Variants in ABTB3 observed in about 807,000 individuals in gnomAD.
ABTB3 encodes ankyrin repeat and BTB domain containing 3.
At chr12:107,503,769 AAAAAAG>A in the ABTB3 span, among the ~76,000 whole-genome samples, 2 of 150,480 alleles carry the variant, frequency 1.3e-5, no homozygotes, top group African/African-American at 4.9e-5. Context: ...AAAAAAAAAA[AAAAAAG>A]AAGAAGAAGA....
the ABTB3 span, among the ~76,000 whole-genome samples, chr12:107,381,224 G>T: frequency 3.6e-4 from 55 of 152,338 alleles, no homozygotes; most frequent in East Asian, 9.4e-3. Flanking sequence ...ACTTGGGTTT[G>T]CCCACTACTG....
chr12:107,353,740 A>G, the ABTB3 span, among the ~76,000 whole-genome samples: 1 of 152,132 alleles, frequency 6.6e-6, no homozygotes, highest in Non-Finnish European at 1.5e-5. Context: ...TCTGCCTCCT[A>G]TCGGATCAGC....
At chr12:107,578,351 T>C in the ABTB3 span, among the ~76,000 whole-genome samples, 1 of 151,648 alleles carries the variant, frequency 6.6e-6, no homozygotes, top group African/African-American at 2.4e-5. Context: ...GGTGTTATTT[T>C]TGAAGGCAGC....
At chr12:107,465,371 C>T in the ABTB3 span, among the ~76,000 whole-genome samples, 7 of 152,180 alleles carry the variant, frequency 4.6e-5, no homozygotes, top group East Asian at 1.9e-4. Flanking sequence ...GCTCAGGGTC[C>T]CTAGCTCTGC....
the ABTB3 span, among the ~76,000 whole-genome samples, chr12:107,507,388 G>T: frequency 6.6e-6 from 1 of 152,124 alleles, no homozygotes; most frequent in African/African-American, 2.4e-5. Flanking sequence ...GATATGGGGC[G>T]ATGCACTGGT....
chr12:107,347,670 G>T, the ABTB3 span, among the ~76,000 whole-genome samples: 1 of 152,104 alleles, frequency 6.6e-6, no homozygotes, highest in Non-Finnish European at 1.5e-5. Context: ...TCCCAAGTCA[G>T]TTAAGGGCTA....
the ABTB3 span, among the ~76,000 whole-genome samples, chr12:107,517,096 T>A: frequency 2.6e-5 from 4 of 152,184 alleles, no homozygotes; most frequent in African/African-American, 9.7e-5. Context: ...AGCTAGCCAG[T>A]TTTCCCAGCA....
chr12:107,386,408 G>A, the ABTB3 span, among the ~76,000 whole-genome samples: 124 of 152,314 alleles, frequency 8.1e-4, 1 homozygote, highest in African/African-American at 2.7e-3. Flanking sequence ...CCAGTGCATA[G>A]CACAGAGCTT....
the ABTB3 span, among the ~76,000 whole-genome samples, chr12:107,494,507 C>T: frequency 2.0e-5 from 3 of 152,180 alleles, no homozygotes; most frequent in Non-Finnish European, 2.9e-5. Flanking sequence ...AGGCCTCTCC[C>T]AGCCTAGACC....
chr12:107,353,891 C>A, the ABTB3 span, among the ~76,000 whole-genome samples: 4 of 152,102 alleles, frequency 2.6e-5, no homozygotes, highest in Non-Finnish European at 5.9e-5. Context: ...TTCCCTCCCC[C>A]ACCTCCCCTC....
chr12:107,473,661 T>A, the ABTB3 span, among the ~76,000 whole-genome samples: 2 of 152,202 alleles, frequency 1.3e-5, no homozygotes, highest in African/African-American at 4.8e-5. Context: ...ACTGATGCAG[T>A]ATGCAGTCTT....
chr12:107,599,460 T>C, the ABTB3 span, among the ~76,000 whole-genome samples: 1 of 152,222 alleles, frequency 6.6e-6, no homozygotes, highest in African/African-American at 2.4e-5. Context: ...AGTGGTGTCC[T>C]GAGTATCCAG....
At chr12:107,614,911 C>T in the ABTB3 span, 1 of 627,962 alleles carries the variant, frequency 1.6e-6, no homozygotes, top group Non-Finnish European at 2.8e-6. Context: ...TGGAAAATCC[C>T]TGCCCTGTAT....
the ABTB3 span, among the ~76,000 whole-genome samples, chr12:107,550,247 C>T: frequency 6.6e-6 from 1 of 152,160 alleles, no homozygotes; most frequent in Non-Finnish European, 1.5e-5. Flanking sequence ...GTACTAGGCA[C>T]AGACACTGGA....
the ABTB3 span, among the ~76,000 whole-genome samples, chr12:107,375,444 A>T: frequency 6.6e-6 from 1 of 151,512 alleles, no homozygotes; most frequent in Non-Finnish European, 1.5e-5. Flanking sequence ...CATCATCATC[A>T]TCATCATCAT....
chr12:107,479,030 G>T, the ABTB3 span, among the ~76,000 whole-genome samples: 1 of 152,088 alleles, frequency 6.6e-6, no homozygotes, highest in East Asian at 1.9e-4. Flanking sequence ...TTCCCATAAG[G>T]TATTTCACAA....
the ABTB3 span, among the ~76,000 whole-genome samples, chr12:107,550,846 G>A: frequency 2.6e-5 from 4 of 152,094 alleles, no homozygotes; most frequent in Non-Finnish European, 4.4e-5. Context: ...GCCTCCCAAA[G>A]TGCTGGGATT....
the ABTB3 span, among the ~76,000 whole-genome samples, chr12:107,443,250 C>T: frequency 1.3e-3 from 200 of 151,450 alleles, 1 homozygote; most frequent in Middle Eastern, 3.4e-3. Flanking sequence ...TGAAATGGCG[C>T]GGCCTTTTTT....
the ABTB3 span, among the ~76,000 whole-genome samples, chr12:107,596,768 TA>T: frequency 1.3e-3 from 198 of 152,276 alleles, 1 homozygote; most frequent in African/African-American, 4.5e-3. Flanking sequence ...CTACTCTCCT[TA>T]CCCCTCCACC....
Sources: allele counts gnomAD v4.1 joint callset (sites outside exome capture counted in the v4.1 genomes callset), GRCh38; gene constraint gnomAD v4.1.1; transcripts MANE v1.5; gene names NCBI Gene and HGNC (gene_info 2026-07-23, HGNC 2026-07-21).